The following LIMA1 variants were observed in gnomAD, a reference collection of about 807,000 sequenced individuals.
LIMA1 encodes the protein LIM domain and actin-binding protein 1.
In LIMA1, 52 loss-of-function variants were observed where a neutral mutation model predicts 62.6. That is an observed-to-expected ratio of 0.83 (90% confidence interval 0.67 to 1.05). The LOEUF (loss-of-function observed/expected upper bound fraction) is 1.05. LIMA1 is among the 50% of genes least tolerant of loss of function. LIMA1 has a pLI of 0.00. For synonymous variants in LIMA1, 302 were observed against 317.8 expected (o/e 0.95, Z 0.53); for missense variants, 780 against 902.2 (o/e 0.86, Z 1.74).
At chr12:50,221,499 T>A (rs1211662394) in intron 4 of LIMA1, among the ~76,000 whole-genome samples, 2 of 152,192 alleles carry the variant, frequency 1.3e-5, no homozygotes, top group African/African-American at 4.8e-5. Flanking sequence ...CTATCTTCAT[T>A]GATTTTGCCT....
intron 1 of LIMA1, among the ~76,000 whole-genome samples, chr12:50,258,270 G>C (rs1409046576): frequency 2.6e-5 from 4 of 151,162 alleles, no homozygotes; most frequent in Non-Finnish European, 5.9e-5. Context: ...TTATATGTAT[G>C]TATACTGGCC....
intron 1 of LIMA1, among the ~76,000 whole-genome samples, chr12:50,270,172 T>C (rs892355852): frequency 1.4e-5 from 2 of 139,706 alleles, no homozygotes; most frequent in Non-Finnish European, 3.0e-5. Context: ...GTGGCAGAAG[T>C]TGCGATGAGC....
intron 1 of LIMA1, among the ~76,000 whole-genome samples, chr12:50,276,488 A>C (rs1174109105): frequency 6.6e-6 from 1 of 152,212 alleles, no homozygotes; most frequent in Non-Finnish European, 1.5e-5. Flanking sequence ...TAAAACGGTA[A>C]AAATCAGAAG....
intron 2 of LIMA1, among the ~76,000 whole-genome samples, chr12:50,244,840 A>C (rs1218927686): frequency 1.3e-5 from 2 of 152,174 alleles, no homozygotes; most frequent in Non-Finnish European, 2.9e-5. Context: ...TGAGAAAGGC[A>C]CTGGGGAAGA....
At chr12:50,197,160 T>G (rs539746843) in intron 7 of LIMA1, among the ~76,000 whole-genome samples, 4 of 149,712 alleles carry the variant, frequency 2.7e-5, no homozygotes, top group East Asian at 2.0e-4. Flanking sequence ...AACCTCTGCC[T>G]CCTGGGTTTA....
intron 4 of LIMA1, among the ~76,000 whole-genome samples, chr12:50,211,280 G>A (rs539079090): frequency 3.5e-5 from 5 of 143,966 alleles, no homozygotes; most frequent in Admixed American, 7.3e-5. Flanking sequence ...CCAAGATCAC[G>A]CCATTGCACT....
Position 50,276,818 on chromosome 12 carries a change from C to T in LIMA1, c.-24+6602G>A, listed in dbSNP as rs1318002921. ...CCTGGAGGAGGAGGCTAGAGTGAGC[C>T]GAGATTGTGCCACTGCACTCCAGCC... On this transcript the variant is annotated intron_variant, in intron 1 of 10. Transcript: ENST00000341247. Among the ~76,000 whole-genome samples the T allele has an allele frequency of 4.0e-5, 6 of 151,342 alleles. No individual in the cohort carries two copies. The East Asian group carries it at 9.7e-4, about 24-fold the overall frequency.
chr12:50,203,181 T>A (rs1208213343), intron 6 of LIMA1, among the ~76,000 whole-genome samples: 1 of 148,990 alleles, frequency 6.7e-6, no homozygotes, highest in Non-Finnish European at 1.5e-5. Context: ...GGCTAATTTT[T>A]TTTTTGTATT....
chr12:50,181,869 G>A (rs755634553), intron 10 of LIMA1, 35 bp downstream of exon 10: 1 of 1,613,418 alleles, frequency 6.2e-7, no homozygotes, highest in Admixed American at 1.7e-5. Flanking sequence ...TAGAGTTCCA[G>A]TTATAGACAG....
intron 2 of LIMA1, among the ~76,000 whole-genome samples, chr12:50,246,573 T>G (rs1941852303): frequency 6.6e-6 from 1 of 152,182 alleles, no homozygotes; most frequent in Non-Finnish European, 1.5e-5. Context: ...GAAGGCTTTT[T>G]CTAAAATACC....
At chr12:50,264,922 G>A (rs1942119916) in intron 1 of LIMA1, among the ~76,000 whole-genome samples, 1 of 152,162 alleles carries the variant, frequency 6.6e-6, no homozygotes, top group African/African-American at 2.4e-5. Flanking sequence ...GGAGGCTGAG[G>A]TGGGAGGATC....
intron 5 of LIMA1, among the ~76,000 whole-genome samples, chr12:50,205,523 A>G (rs767545066): frequency 3.9e-5 from 6 of 152,088 alleles, no homozygotes; most frequent in Non-Finnish European, 5.9e-5. Flanking sequence ...CCCCTTTAAA[A>G]CATAATTCCA....
chr12:50,223,143 CT>C (rs199546604), intron 3 of LIMA1, among the ~76,000 whole-genome samples: 15 of 149,632 alleles, frequency 1.0e-4, no homozygotes, highest in African/African-American at 2.7e-4. Context: ...AGAATTTAAT[CT>C]TTTTTTTTTC....
chr12:50,266,676 A>G (rs1486146481), intron 1 of LIMA1, among the ~76,000 whole-genome samples: 1 of 152,218 alleles, frequency 6.6e-6, no homozygotes, highest in Non-Finnish European at 1.5e-5. Flanking sequence ...AGGCCTATGC[A>G]TTAAATTTTT....
chr12:50,192,079 T>G (rs1212186544), intron 9 of LIMA1, among the ~76,000 whole-genome samples: 1 of 144,626 alleles, frequency 6.9e-6, no homozygotes, highest in Non-Finnish European at 1.5e-5. Flanking sequence ...GAGGTTACAG[T>G]AAGCCGAGAT....
At chr12:50,190,682 ATTTT>A (rs762182699) in intron 9 of LIMA1, among the ~76,000 whole-genome samples, 1 of 93,058 alleles carries the variant, frequency 1.1e-5, no homozygotes, top group African/African-American at 4.4e-5. Flanking sequence ...ACCCGGCCTC[ATTTT>A]TTTTTTTTTT....
intron 3 of LIMA1, among the ~76,000 whole-genome samples, chr12:50,223,656 G>A (rs1394260705): frequency 6.6e-6 from 1 of 152,206 alleles, no homozygotes; most frequent in South Asian, 2.1e-4. Context: ...GGCCAAAAAT[G>A]GAATTAATTT....
intron 1 of LIMA1, among the ~76,000 whole-genome samples, chr12:50,265,052 C>T (rs1942121658): frequency 6.6e-6 from 1 of 151,086 alleles, no homozygotes; most frequent in Non-Finnish European, 1.5e-5. Context: ...ACTTGACAGG[C>T]TGAAGTGGGA....
At chr12:50,254,044 A>G (rs903530204) in intron 1 of LIMA1, among the ~76,000 whole-genome samples, 2 of 151,110 alleles carry the variant, frequency 1.3e-5, no homozygotes, top group Non-Finnish European at 3.0e-5. Context: ...AAAAAAAAAA[A>G]AAAGAAAGGT....
Sources: allele counts gnomAD v4.1 joint callset (sites outside exome capture counted in the v4.1 genomes callset), GRCh38; gene constraint gnomAD v4.1.1; transcripts MANE v1.5; gene names NCBI Gene and HGNC (gene_info 2026-07-23, HGNC 2026-07-21).